COMMD1: variants seen among roughly 807,000 people sequenced by gnomAD.
COMMD1 encodes the protein copper metabolism domain containing 1.
COMMD1 carries 10 observed loss-of-function variants against 17.2 expected under a neutral mutation model. The observed-to-expected ratio is 0.58, with a 90% confidence interval of 0.36 to 0.99. The LOEUF (loss-of-function observed/expected upper bound fraction) is 0.99, where lower values mean the gene tolerates loss of function less well. COMMD1 is among the 50% of genes least tolerant of loss of function. The pLI is 0.01. For missense variants in COMMD1, 270 were observed against 231.8 expected, an observed-to-expected ratio of 1.17 and a Z score of -1.07; for synonymous variants, 97 against 91.6, an observed-to-expected ratio of 1.06 and a Z score of -0.34.
At chr2:61,978,786 C>G (rs1327951489) in intron 1 of COMMD1, among the ~76,000 whole-genome samples, 1 of 152,104 alleles carries the variant, frequency 6.6e-6, no homozygotes, top group Non-Finnish European at 1.5e-5. Flanking sequence ...CTAAGAGAGA[C>G]AAAGGGGAAG....
intron 2 of COMMD1, among the ~76,000 whole-genome samples, chr2:62,029,490 G>A (rs1455788038): frequency 1.3e-5 from 2 of 151,912 alleles, no homozygotes; most frequent in East Asian, 3.9e-4. Context: ...AGCTTCAATG[G>A]TTATTAACCC....
chr2:62,018,456 T>G (rs1669513775), intron 2 of COMMD1, among the ~76,000 whole-genome samples: 1 of 152,240 alleles, frequency 6.6e-6, no homozygotes, highest in African/African-American at 2.4e-5. Context: ...GTTCCAGGAT[T>G]AAATCCAAGC....
intron 2 of COMMD1, among the ~76,000 whole-genome samples, chr2:62,082,395 TAGG>T (rs1671548506): frequency 6.6e-6 from 1 of 152,180 alleles, no homozygotes; most frequent in African/African-American, 2.4e-5. Flanking sequence ...TAGCAGGAAG[TAGG>T]AGCTGCTGGA....
At chr2:62,074,727 C>A (rs1671292296) in intron 2 of COMMD1, among the ~76,000 whole-genome samples, 1 of 152,088 alleles carries the variant, frequency 6.6e-6, no homozygotes, top group Admixed American at 6.5e-5. Flanking sequence ...CATTAACTTC[C>A]ACTCTAACCA....
rs192800863 is a variant in COMMD1, at chr2:62,066,466, C to T, written c.462+65484C>T. ...TTTTTTTTTTTTTGAGATGGAGTCTCGCTCTGTCACCCAGGCTGGAGTGCA... is the reference window on the plus strand; with the variant it reads ...TTTTTTTTTTTTTGAGATGGAGTCTTGCTCTGTCACCCAGGCTGGAGTGCA... On this transcript the variant is annotated intron_variant, in intron 2 of 2. Transcript: ENST00000311832. 7.6e-3 allele frequency among the ~76,000 whole-genome samples: 1,115 copies of T among 147,256 alleles called. 7 individuals carry two copies. The highest frequency in any genetic ancestry group is 0.019 in the South Asian group (88 of 4,618).
At chr2:62,104,064 C>T (rs1263639862) in intron 2 of COMMD1, among the ~76,000 whole-genome samples, 3 of 152,132 alleles carry the variant, frequency 2.0e-5, no homozygotes, top group Non-Finnish European at 4.4e-5. Flanking sequence ...TGGTCTTGTA[C>T]TCCTAAGCTC....
chr2:62,006,131 T>G (rs1294562305), intron 2 of COMMD1, among the ~76,000 whole-genome samples: 9 of 130,226 alleles, frequency 6.9e-5, no homozygotes, highest in African/African-American at 2.6e-4. Flanking sequence ...CACTCATAGG[T>G]GGGAATTGAA....
chr2:62,004,053 G>A (rs1669040191), intron 2 of COMMD1, among the ~76,000 whole-genome samples: 1 of 152,078 alleles, frequency 6.6e-6, no homozygotes, highest in East Asian at 1.9e-4. Flanking sequence ...ACTTGAGCCC[G>A]GAAGGCGGAG....
At chr2:62,126,991 C>A (rs1672903625) in intron 2 of COMMD1, among the ~76,000 whole-genome samples, 1 of 152,126 alleles carries the variant, frequency 6.6e-6, no homozygotes, top group Non-Finnish European at 1.5e-5. Flanking sequence ...ATCATCTCAG[C>A]CCAAAAGCTT....
chr2:61,925,994 G>A (rs763752507), intron 1 of COMMD1, among the ~76,000 whole-genome samples: 2 of 151,108 alleles, frequency 1.3e-5, no homozygotes, highest in South Asian at 2.1e-4. Context: ...TTTTTGAGAC[G>A]GACTCTTGCT....
At chr2:62,046,036 C>G (rs1238896169) in intron 2 of COMMD1, among the ~76,000 whole-genome samples, 1 of 152,130 alleles carries the variant, frequency 6.6e-6, no homozygotes, top group East Asian at 1.9e-4. Flanking sequence ...TGCTCCTGGC[C>G]TCAGGTTAAA....
intron 2 of COMMD1, among the ~76,000 whole-genome samples, chr2:62,120,149 C>A (rs544182622): frequency 6.6e-6 from 1 of 152,014 alleles, no homozygotes; most frequent in Non-Finnish European, 1.5e-5. Flanking sequence ...TACAGGTGTG[C>A]GCCAGCACAC....
At chr2:61,905,922 T>A (rs1032355735) in intron 1 of COMMD1, 64 bp downstream of exon 1, 5 of 1,528,238 alleles carry the variant, frequency 3.3e-6, no homozygotes, top group Non-Finnish European at 4.5e-6. Context: ...CTTCAGACTC[T>A]CCCCCCCTTG....
chr2:61,940,744 C>T (rs1368739402), intron 1 of COMMD1, among the ~76,000 whole-genome samples: 2 of 151,146 alleles, frequency 1.3e-5, no homozygotes, highest in Non-Finnish European at 2.9e-5. Flanking sequence ...AGTGCAGTGG[C>T]GCGAACTCCT....
rs184653557 is a variant in COMMD1, at chr2:61,938,069, A to G, written c.180+32211A>G. Among the ~76,000 whole-genome samples the G allele has an allele frequency of 9.2e-4, 140 of 152,308 alleles. 2 individuals carry two copies. In the East Asian group the frequency reaches 0.025, roughly 27 times the overall value. ...GTGGGATTGTTACAGGTAATTAGGC[A>G]TGAGCTGGGCAGGAGAGAGGGCTCT... On this transcript the variant is annotated intron_variant, in intron 1 of 2. Coordinates refer to ENST00000311832, the MANE Select transcript of COMMD1 (RefSeq NM_152516.4).
intron 1 of COMMD1, among the ~76,000 whole-genome samples, chr2:61,979,858 A>G (rs1348591744): frequency 5.3e-5 from 7 of 132,348 alleles, no homozygotes; most frequent in Admixed American, 4.6e-4. Flanking sequence ...CTAATGTGTC[A>G]TCTAGCATTA....
intron 1 of COMMD1, among the ~76,000 whole-genome samples, chr2:61,946,212 T>G (rs1670900739): frequency 6.6e-6 from 1 of 152,204 alleles, no homozygotes; most frequent in African/African-American, 2.4e-5. Flanking sequence ...TAAAAAAAAT[T>G]AATCAGAGAG....
At chr2:62,100,359 G>A (rs967393902) in intron 2 of COMMD1, 4 of 152,214 alleles carry the variant, frequency 2.6e-5, no homozygotes, top group African/African-American at 9.6e-5. Context: ...TATTTGAAGA[G>A]ATTTATTCTG....
chr2:62,114,395 C>T (rs888077781), intron 2 of COMMD1, among the ~76,000 whole-genome samples: 2 of 152,150 alleles, frequency 1.3e-5, no homozygotes, highest in African/African-American at 4.8e-5. Context: ...CTCCCTTGCT[C>T]TTATCAAGAG....
Sources: allele counts gnomAD v4.1 joint callset (sites outside exome capture counted in the v4.1 genomes callset), GRCh38; gene constraint gnomAD v4.1.1; transcripts MANE v1.5; gene names NCBI Gene and HGNC (gene_info 2026-07-23, HGNC 2026-07-21).